SLF1: variants seen among roughly 807,000 people sequenced by gnomAD.
SLF1 encodes the protein SMC5/6 complex localization factor 1.
SLF1 carries 105 observed loss-of-function variants against 123.0 expected under a neutral mutation model. That is an observed-to-expected ratio of 0.85 (90% CI 0.73 to 1.00). The LOEUF (loss-of-function observed/expected upper bound fraction) is 1.00, where lower values mean the gene tolerates loss of function less well. SLF1 is among the 50% of genes least tolerant of loss of function. The pLI, the probability that SLF1 is intolerant of heterozygous loss-of-function variation, is 0.00. For synonymous variants in SLF1, 434 were observed against 406.6 expected (o/e 1.07, Z -0.81); for missense variants, 1,239 against 1,223.0 (o/e 1.01, Z -0.20).
intron 6 of SLF1, 70 bp downstream of exon 6, chr5:94,649,667 G>C (rs1348045713): frequency 7.7e-7 from 1 of 1,294,638 alleles, no homozygotes; most frequent in Non-Finnish European, 1.0e-6. Flanking sequence ...GGCAAAGTAT[G>C]GTGGAAAAAA....
chr5:94,694,254 A>G (rs1003918529), intron 20 of SLF1, among the ~76,000 whole-genome samples: 2 of 151,942 alleles, frequency 1.3e-5, no homozygotes, highest in Non-Finnish European at 2.9e-5. Flanking sequence ...TAACTAGTAT[A>G]GATGGATGAG....
intron 17 of SLF1, 90 bp from the exon 18 acceptor site, chr5:94,689,383 G>A: frequency 1.5e-6 from 2 of 1,303,416 alleles, no homozygotes; most frequent in South Asian, 1.7e-5. Flanking sequence ...AAATTAAAAG[G>A]GGGCTAGACT....
intron 9 of SLF1, among the ~76,000 whole-genome samples, chr5:94,661,384 C>T (rs1293674670): frequency 1.3e-5 from 2 of 152,104 alleles, no homozygotes; most frequent in African/African-American, 2.4e-5. Context: ...CAGAGATTCC[C>T]TGCCACTTTT....
At chr5:94,643,509 A>G in intron 5 of SLF1, 74 bp downstream of exon 5, 1 of 1,085,416 alleles carries the variant, frequency 9.2e-7, no homozygotes, top group Non-Finnish European at 1.2e-6. Context: ...ATAGTAAAAT[A>G]TATATTAAAG....
At chr5:94,654,289 T>G (rs1748111308) in intron 8 of SLF1, among the ~76,000 whole-genome samples, 1 of 150,462 alleles carries the variant, frequency 6.6e-6, no homozygotes, top group African/African-American at 2.4e-5. Context: ...TGTATGACCA[T>G]GGCAACAACA....
At chr5:94,628,515 G>A (rs1487871644) in intron 1 of SLF1, among the ~76,000 whole-genome samples, 2 of 152,198 alleles carry the variant, frequency 1.3e-5, no homozygotes, top group African/African-American at 4.8e-5. Context: ...TTCTGAAGAA[G>A]TATATTTATT....
rs530426921 is a variant in SLF1 at position 94,694,232 on chromosome 5, G to GTTAT, written c.2696-596_2696-595insTTTA. ...ATCTTTAGTACTTTCTAAGTAGGTAGTTAAATGAGTTTAACTAGTATAGAT... is the reference window on the plus strand; with the variant it reads ...ATCTTTAGTACTTTCTAAGTAGGTAGTTATTTAAATGAGTTTAACTAGTATAGAT... On this transcript the variant is annotated intron_variant, in intron 20 of 20. Coordinates refer to ENST00000265140, the MANE Select transcript of SLF1 (RefSeq NM_032290.4). Among the ~76,000 whole-genome samples the GTTAT allele has an allele frequency of 4.6e-5, 7 of 152,018 alleles. No individual in the cohort carries two copies. In the South Asian group the frequency reaches 1.4e-3, roughly 31 times the overall value.
chr5:94,634,127 T>C (rs1745498503), intron 4 of SLF1, among the ~76,000 whole-genome samples: 2 of 152,254 alleles, frequency 1.3e-5, no homozygotes, highest in African/African-American at 4.8e-5. Context: ...AATTTAATTT[T>C]CTAACTGTAA....
At position 94,670,080 on chromosome 5, in the gene SLF1, G is replaced by A; in HGVS notation, c.1533-71G>A. 3.6e-6 allele frequency: 5 copies of A among 1,407,734 alleles called. No homozygotes were observed. In the South Asian group the frequency reaches 7.2e-5, roughly 20 times the overall value. 87.2% of individuals were successfully genotyped at this position (1,407,734 alleles called of 1,614,324 possible). On this transcript the variant is annotated intron_variant, in intron 12 of 20. Coordinates refer to ENST00000265140, the MANE Select transcript of SLF1 (RefSeq NM_032290.4). ...AAATTCCAGCAGTATTCTAGAAGGA[G>A]AAATATTTTGTTCACAAATGACTTA...
At chr5:94,640,657 CT>C (rs1286644388) in intron 4 of SLF1, among the ~76,000 whole-genome samples, 1 of 151,822 alleles carries the variant, frequency 6.6e-6, no homozygotes, top group Non-Finnish European at 1.5e-5. Flanking sequence ...CTATTGCATG[CT>C]TTGTTCTTTT....
chr5:94,620,338 A>G (rs1018340883), intron 1 of SLF1, among the ~76,000 whole-genome samples: 1 of 152,266 alleles, frequency 6.6e-6, no homozygotes, highest in Admixed American at 6.5e-5. Context: ...ATTGAATTAT[A>G]TAACCTAACA....
intron 7 of SLF1, 115 bp from the exon 8 acceptor site, chr5:94,653,157 G>T: frequency 9.3e-7 from 1 of 1,079,570 alleles, no homozygotes; most frequent in Non-Finnish European, 1.3e-6. Flanking sequence ...GCGCCCGGCC[G>T]TACTTCTTTA....
intron 14 of SLF1, chr5:94,678,526 T>C (rs1235126149): frequency 4.8e-6 from 1 of 208,232 alleles, no homozygotes; most frequent in Non-Finnish European, 9.5e-6. Flanking sequence ...AATTATTTCC[T>C]AACAAACTTG....
Position 94,628,827 on chromosome 5 carries a change from C to G in SLF1, c.17C>G (p.Pro6Arg). Residue 6 changes from proline (P) to arginine (R), a missense_variant, in exon 2 of 21, where the codon CCA (proline) becomes CGA (arginine). Transcript: ENST00000265140. ...ATTTGTTAGATGGAAGATGGTACCCCAAAGCATATCATCCAGATGACAGGA... is the reference window on the plus strand; with the variant it reads ...ATTTGTTAGATGGAAGATGGTACCCGAAAGCATATCATCCAGATGACAGGA... The part of the protein sequence containing the change: MEDGT[P>R]KHIIQMTGFK... 6.5e-7 allele frequency: 1 copy of G among 1,544,942 alleles called. No homozygotes were observed. The highest frequency in any genetic ancestry group is 8.7e-7 in the Non-Finnish European group (1 of 1,144,142).
intron 16 of SLF1, among the ~76,000 whole-genome samples, 155 bp downstream of exon 16, chr5:94,686,873 C>T (rs1264361359): frequency 3.3e-5 from 5 of 152,194 alleles, no homozygotes; most frequent in South Asian, 2.1e-4. Flanking sequence ...CTGTAAGCTC[C>T]GCCTCCCGGG....
chr5:94,660,917 G>T (rs76486924), intron 9 of SLF1, among the ~76,000 whole-genome samples: 1 of 152,110 alleles, frequency 6.6e-6, no homozygotes, highest in Admixed American at 6.5e-5. Context: ...TCCTTAGGAT[G>T]TAGGACACTG....
chr5:94,649,948 C>G (rs1245226516), intron 6 of SLF1, among the ~76,000 whole-genome samples: 1 of 152,034 alleles, frequency 6.6e-6, no homozygotes, highest in African/African-American at 2.4e-5. Context: ...ATATATAATT[C>G]ATGTAAATTC....
chr5:94,621,501 C>G (rs1385580422), intron 1 of SLF1, among the ~76,000 whole-genome samples: 4 of 152,188 alleles, frequency 2.6e-5, no homozygotes, highest in African/African-American at 9.6e-5. Context: ...GGTCTTCCTT[C>G]TAAGTAAACC....
chr5:94,637,310 C>T (rs1745928521), intron 4 of SLF1, among the ~76,000 whole-genome samples: 1 of 152,146 alleles, frequency 6.6e-6, no homozygotes, highest in Non-Finnish European at 1.5e-5. Flanking sequence ...TTCTGTTACT[C>T]TGTATGGCTG....
Sources: allele counts gnomAD v4.1 joint callset (sites outside exome capture counted in the v4.1 genomes callset), GRCh38; gene constraint gnomAD v4.1.1; transcripts MANE v1.5; gene names NCBI Gene and HGNC (gene_info 2026-07-23, HGNC 2026-07-21).